Variants in MTHFD2L observed in about 807,000 individuals in gnomAD.
MTHFD2L encodes the protein bifunctional methylenetetrahydrofolate dehydrogenase/cyclohydrolase 2, mitochondrial.
A neutral mutation model predicts 34.9 loss-of-function variants in MTHFD2L; 29 were observed. The ratio of observed to expected loss-of-function variants is 0.83; its 90% CI spans 0.62 to 1.13. The LOEUF is 1.13. MTHFD2L is among the 50% of genes most tolerant of loss of function. MTHFD2L has a pLI of 0.00. For missense variants in MTHFD2L, 481 were observed against 446.5 expected (o/e 1.08, Z -0.70); for synonymous variants, 167 against 155.7 (o/e 1.07, Z -0.54).
chr4:74,149,352 C>G (rs1287661102), intron 1 of MTHFD2L, among the ~76,000 whole-genome samples: 1 of 151,778 alleles, frequency 6.6e-6, no homozygotes, highest in African/African-American at 2.4e-5. Flanking sequence ...ACTCAGACAT[C>G]TGTTAATAGG....
At chr4:74,249,791 G>C (rs1743044246) in intron 6 of MTHFD2L, among the ~76,000 whole-genome samples, 1 of 152,118 alleles carries the variant, frequency 6.6e-6, no homozygotes, top group South Asian at 2.1e-4. Context: ...TTTTCTTTAA[G>C]AATGTTGAAT....
At chr4:74,296,164 C>A (rs945336761) in intron 7 of MTHFD2L, among the ~76,000 whole-genome samples, 2 of 152,094 alleles carry the variant, frequency 1.3e-5, no homozygotes, top group African/African-American at 4.8e-5. Flanking sequence ...AGGGCTAGAA[C>A]ATGATGCAAA....
intron 6 of MTHFD2L, among the ~76,000 whole-genome samples, chr4:74,236,772 T>C (rs550417014): frequency 6.6e-6 from 1 of 152,368 alleles, no homozygotes; most frequent in African/African-American, 2.4e-5. Flanking sequence ...ATGTGCCTTT[T>C]TGGATATGTC....
At chr4:74,200,718 A>G (rs1436096493) in intron 4 of MTHFD2L, among the ~76,000 whole-genome samples, 2 of 152,186 alleles carry the variant, frequency 1.3e-5, no homozygotes, top group Admixed American at 1.3e-4. Flanking sequence ...GAAAATCCTT[A>G]GTTCTAACTT....
At chr4:74,292,056 C>T (rs374275626) in intron 7 of MTHFD2L, among the ~76,000 whole-genome samples, 1 of 152,182 alleles carries the variant, frequency 6.6e-6, no homozygotes. Context: ...CTCTGTGAGA[C>T]TGTTATTAAC....
chr4:74,279,967 T>C (rs185901055), intron 6 of MTHFD2L, among the ~76,000 whole-genome samples: 49 of 152,216 alleles, frequency 3.2e-4, no homozygotes, highest in Admixed American at 1.0e-3. Context: ...GTAAAAATCA[T>C]GTTACAAGGT....
Position 74,171,798 on chromosome 4 carries a change from C to A in MTHFD2L, c.144-2708C>A, listed in dbSNP as rs977597. ...AGCCTGGGTGATGGAGACCCTGTCC[C>A]CCACAAAAAAAATATTTTAAAGCAT... is the stretch of plus-strand genomic sequence containing the variant. On this transcript the variant is annotated intron_variant, in intron 1 of 7. Transcript: ENST00000325278. Among the ~76,000 whole-genome samples the A allele has an allele frequency of 4.8e-3, 733 of 152,034 alleles. 9 individuals carry two copies. Among genetic ancestry groups the A allele is most frequent in the African/African-American group, 0.017 (710 of 41,360 alleles).
chr4:74,139,229 A>C (rs2109829281), intron 1 of MTHFD2L, among the ~76,000 whole-genome samples: 1 of 152,316 alleles, frequency 6.6e-6, no homozygotes, highest in East Asian at 1.9e-4. Context: ...GAAAAAGATT[A>C]GGAGGACCTG....
At chr4:74,193,931 G>A (rs2110031582) in intron 3 of MTHFD2L, 1 of 152,044 alleles carries the variant, frequency 6.6e-6, no homozygotes, top group East Asian at 1.9e-4. Flanking sequence ...CACCCACTAG[G>A]CCTGCCAACA....
At chr4:74,123,460 G>A (rs1721856952), upstream of MTHFD2L, 2 of 151,988 alleles carry the variant, frequency 1.3e-5, no homozygotes, top group African/African-American at 4.8e-5. Flanking sequence ...GTTTTCTTTT[G>A]TCTAAATATG....
At chr4:74,147,075 G>A (rs1252751017) in intron 1 of MTHFD2L, among the ~76,000 whole-genome samples, 1 of 151,976 alleles carries the variant, frequency 6.6e-6, no homozygotes, top group Non-Finnish European at 1.5e-5. Flanking sequence ...CCTTAAAAAC[G>A]GTTCCCTGTT....
At chr4:74,233,610 T>C (rs1740412757) in intron 6 of MTHFD2L, among the ~76,000 whole-genome samples, 1 of 152,112 alleles carries the variant, frequency 6.6e-6, no homozygotes, top group African/African-American at 2.4e-5. Context: ...AAATTTATTA[T>C]CTATTATGAA....
intron 5 of MTHFD2L, among the ~76,000 whole-genome samples, chr4:74,222,338 C>T (rs184292807): frequency 2.1e-3 from 311 of 151,696 alleles, no homozygotes; most frequent in Non-Finnish European, 3.4e-3. Context: ...GATCAAGGTG[C>T]CAGCATCTGG....
intron 3 of MTHFD2L, among the ~76,000 whole-genome samples, chr4:74,177,776 T>C (rs896580633): frequency 2.6e-5 from 4 of 151,994 alleles, no homozygotes; most frequent in Non-Finnish European, 5.9e-5. Flanking sequence ...GATATCAGTA[T>C]GTCAAAGAGA....
At chr4:74,189,485 C>CCTTTTTT (rs1168720652) in intron 3 of MTHFD2L, among the ~76,000 whole-genome samples, 4,135 of 119,380 alleles carry the variant, frequency 0.035, 202 homozygotes, top group African/African-American at 0.089. Flanking sequence ...GTTTTTCTTC[C>CCTTTTTT]TTTTTTTTTT....
intron 6 of MTHFD2L, among the ~76,000 whole-genome samples, chr4:74,271,937 A>G (rs1746050394): frequency 6.6e-6 from 1 of 151,928 alleles, no homozygotes; most frequent in Admixed American, 6.6e-5. Context: ...AAGTATAGCT[A>G]GTAGTTTTAA....
intron 6 of MTHFD2L, among the ~76,000 whole-genome samples, chr4:74,261,892 A>G (rs1475041412): frequency 6.6e-6 from 1 of 152,056 alleles, no homozygotes; most frequent in African/African-American, 2.4e-5. Flanking sequence ...TACATCATAT[A>G]TTGTTCTAAG....
chr4:74,238,771 A>G (rs995469805), intron 6 of MTHFD2L, among the ~76,000 whole-genome samples: 1 of 152,244 alleles, frequency 6.6e-6, no homozygotes, highest in Non-Finnish European at 1.5e-5. Flanking sequence ...AGAAGTGCAA[A>G]TCAAAACCAC....
chr4:74,199,627 T>C (rs1734065068), intron 3 of MTHFD2L, among the ~76,000 whole-genome samples, 167 bp from the exon 4 acceptor site: 2 of 151,886 alleles, frequency 1.3e-5, no homozygotes, highest in Middle Eastern at 3.4e-3. Flanking sequence ...AAGAGCACTT[T>C]GGCTTACTAT....
Sources: gnomAD v4.1 joint callset for allele counts (sites outside exome capture counted in the v4.1 genomes callset) on GRCh38, gnomAD v4.1.1 for gene constraint, MANE v1.5 for transcripts, NCBI Gene and HGNC (gene_info 2026-07-23, HGNC 2026-07-21) for gene names.